Variants in TBC1D16 observed in about 807,000 individuals in gnomAD.
TBC1D16 encodes TBC1 domain family member 16, also known as CTD-2529O21.1.
A neutral mutation model predicts 74.7 loss-of-function variants in TBC1D16; 58 were observed. The ratio of observed to expected loss-of-function variants is 0.78; its 90% CI spans 0.63 to 0.97. The LOEUF (loss-of-function observed/expected upper bound fraction) is 0.97, where lower values mean the gene tolerates loss of function less well. TBC1D16 is among the 50% of genes least tolerant of loss of function. The pLI is 0.00. For missense variants in TBC1D16, 1,014 were observed against 1,079.5 expected, an observed-to-expected ratio of 0.94 and a Z score of 0.85; for synonymous variants, 493 against 474.7, an observed-to-expected ratio of 1.04 and a Z score of -0.50.
In TBC1D16 at chr17:79,941,968, A is replaced by C; in HGVS notation, c.2055+92T>G. On this transcript the variant is annotated intron_variant, in intron 11 of 11. Transcript: ENST00000310924. This position sits in a 1 kb window ranked among gnomAD's most constrained non-coding sequence, Gnocchi z 4.3. ...ATGGGGCTCTGGGGGCGGGGCCCACATCTGGGGCAGCCTCACCTTTCTGAG... is the reference window on the plus strand; with the variant it reads ...ATGGGGCTCTGGGGGCGGGGCCCACCTCTGGGGCAGCCTCACCTTTCTGAG... 1 of 1,254,256 alleles carries C rather than the reference A, an allele frequency of 8.0e-7. No individual in the cohort carries two copies. The highest frequency in any genetic ancestry group is 1.1e-6 in the Non-Finnish European group (1 of 933,188). 77.7% of individuals were successfully genotyped at this position (1,254,256 alleles called of 1,614,324 possible).
rs780596746 is a variant in TBC1D16, at chr17:79,980,169, C to A, written c.780-27351G>T. ...ACCACCCAGGCTGGTGGCTTCCCAA[C>A]TTTTCCGTGACGTTCCCCTAGGCAA... On this transcript the variant is annotated intron_variant, in intron 3 of 11. Coordinates refer to ENST00000310924, the MANE Select transcript of TBC1D16 (RefSeq NM_019020.4). The surrounding 1 kb of genome is among the most constrained non-coding windows in gnomAD (Gnocchi z 7.0). Among the ~76,000 whole-genome samples, 1 of 152,216 alleles carries A rather than the reference C, an allele frequency of 6.6e-6. No homozygotes were observed. The highest frequency in any genetic ancestry group is 1.5e-5 in the Non-Finnish European group (1 of 68,034).
At position 79,938,896 on chromosome 17, in the gene TBC1D16, G is replaced by A. The variant is rs1237474948; in HGVS notation, c.*1963C>T. On this transcript the variant is annotated 3_prime_UTR_variant, in exon 12 of 12. Transcript: ENST00000310924. The stretch of plus-strand genomic sequence containing the variant: ...TGCAAGAGACCACAGAGCAGGGCCA[G>A]GTCCGACCTCTGCACCATGAGCATC... 2.0e-5 allele frequency: 3 copies of A among 152,390 alleles called. No homozygotes were observed. Among genetic ancestry groups the A allele is most frequent in the Non-Finnish European group, 4.4e-5 (3 of 68,136 alleles). 9.4% of individuals were successfully genotyped at this position (152,390 alleles called of 1,614,324 possible).
In TBC1D16 at chr17:79,980,809, C is replaced by G. The variant is rs1026155326; in HGVS notation, c.780-27991G>C. Among the ~76,000 whole-genome samples the G allele has an allele frequency of 8.5e-5, 13 of 152,224 alleles. No homozygotes were observed. Among genetic ancestry groups the G allele is most frequent in the Non-Finnish European group, 1.5e-5 (1 of 68,034 alleles). On this transcript the variant is annotated intron_variant, in intron 3 of 11. Transcript: ENST00000310924. The surrounding 1 kb of genome is among the most constrained non-coding windows in gnomAD (Gnocchi z 7.0). ...AATCTTCTCGGACTCAGTGGCACAC[C>G]TGGGACTGCCCGAATCTGTGCCCTG...
In TBC1D16 at chr17:80,007,580, G is replaced by GGGA; in HGVS notation, c.779+2577_779+2579dup. 6.6e-6 allele frequency among the ~76,000 whole-genome samples: 1 copy of GGGA among 152,318 alleles called. No individual in the cohort carries two copies. On this transcript the variant is annotated intron_variant, in intron 3 of 11. Transcript: ENST00000310924. The surrounding 1 kb of genome is among the most constrained non-coding windows in gnomAD (Gnocchi z 4.5). ...TGTCAGAGCAGAGAAGGGGGCCATG[G>GGGA]GGAGGGCCCTCCTCAGCCCAGGGTT... is the stretch of plus-strand genomic sequence containing the variant.
chr17:79,991,648 G>A (rs1278380694), intron 3 of TBC1D16, among the ~76,000 whole-genome samples: 2 of 150,796 alleles, frequency 1.3e-5, no homozygotes, highest in East Asian at 4.0e-4. Context: ...CAAGAGGGAG[G>A]TCAGGTGGGG....
intron 3 of TBC1D16, among the ~76,000 whole-genome samples, chr17:79,964,015 G>A (rs144527737): frequency 0.039 from 5,858 of 152,108 alleles, 195 homozygotes; most frequent in African/African-American, 0.085. Flanking sequence ...TTGCTCTGTC[G>A]TCCAGGCTGG....
At chr17:80,011,774 C>T (rs950371263) in intron 2 of TBC1D16, among the ~76,000 whole-genome samples, 1 of 150,654 alleles carries the variant, frequency 6.6e-6, no homozygotes, top group Non-Finnish European at 1.5e-5. Context: ...TGCAGTGAGC[C>T]GAGATTGCAC....
At chr17:79,952,626 C>T in intron 4 of TBC1D16, 31 bp downstream of exon 4, 13 of 1,567,432 alleles carry the variant, frequency 8.3e-6, no homozygotes, top group Non-Finnish European at 1.1e-5. Flanking sequence ...CACAGGCCAA[C>T]TCCCAGGAGG....
Position 79,990,739 on chromosome 17 carries a change from C to T in TBC1D16, c.779+19421G>A, listed in dbSNP as rs969171316. On this transcript the variant is annotated intron_variant, in intron 3 of 11. Coordinates refer to ENST00000310924, the MANE Select transcript of TBC1D16 (RefSeq NM_019020.4). The surrounding 1 kb of genome is among the most constrained non-coding windows in gnomAD (Gnocchi z 4.8). Reference sequence around the variant, plus strand: ...AAACTGAAGCTTTGTCTCCATGAAACACCAGCTCCCCAACGTCCCCTCCCT... The same window carrying T: ...AAACTGAAGCTTTGTCTCCATGAAATACCAGCTCCCCAACGTCCCCTCCCT... Among the ~76,000 whole-genome samples the T allele has an allele frequency of 5.9e-5, 9 of 152,218 alleles. No individual in the cohort carries two copies. The highest frequency in any genetic ancestry group is 1.9e-4 in the African/African-American group (8 of 41,444).
rs988092599 is a variant in TBC1D16 at position 79,990,526 on chromosome 17, G to A, written c.779+19634C>T. Reference sequence around the variant, plus strand: ...CAAAAGGATGGGAAAACGTGCACCAGTCTCACAGTCCCAGTCACCTTAAAA... The same window carrying A: ...CAAAAGGATGGGAAAACGTGCACCAATCTCACAGTCCCAGTCACCTTAAAA... On this transcript the variant is annotated intron_variant, in intron 3 of 11. Coordinates refer to ENST00000310924, the MANE Select transcript of TBC1D16 (RefSeq NM_019020.4). The surrounding 1 kb of genome is among the most constrained non-coding windows in gnomAD (Gnocchi z 4.8). 6.6e-6 allele frequency among the ~76,000 whole-genome samples: 1 copy of A among 152,244 alleles called. No homozygotes were observed. The highest frequency in any genetic ancestry group is 2.4e-5 in the African/African-American group (1 of 41,462).
rs1039460995 is a variant in TBC1D16 at position 79,961,345 on chromosome 17, A to G, written c.780-8527T>C. On this transcript the variant is annotated intron_variant, in intron 3 of 11. Transcript: ENST00000310924. This position sits in a 1 kb window ranked among gnomAD's most constrained non-coding sequence, Gnocchi z 4.8. ...GGCTACAGTGGACAAGACTGATCAT[A>G]GCAAGTGTTGCTGAGGACATGGAGG... is the stretch of plus-strand genomic sequence containing the variant. Among the ~76,000 whole-genome samples, 2 of 152,244 alleles carry G rather than the reference A, an allele frequency of 1.3e-5. No individual in the cohort carries two copies. The highest frequency in any genetic ancestry group is 2.9e-5 in the Non-Finnish European group (2 of 68,042).
rs796385229 is a variant in TBC1D16 at position 79,987,701 on chromosome 17, C to A, written c.779+22459G>T. ...CACTCCCAGCCACAGCCTCCCTCTGCGGGCAGAACCCTGGGTGCTGCAGGG... is the reference window on the plus strand; with the variant it reads ...CACTCCCAGCCACAGCCTCCCTCTGAGGGCAGAACCCTGGGTGCTGCAGGG... On this transcript the variant is annotated intron_variant, in intron 3 of 11. Coordinates refer to ENST00000310924, the MANE Select transcript of TBC1D16 (RefSeq NM_019020.4). This position sits in a 1 kb window ranked among gnomAD's most constrained non-coding sequence, Gnocchi z 5.2. Among the ~76,000 whole-genome samples the A allele has an allele frequency of 6.6e-6, 1 of 152,136 alleles. No homozygotes were observed.
intron 1 of TBC1D16, among the ~76,000 whole-genome samples, chr17:80,034,719 A>G (rs930436803): frequency 1.3e-5 from 2 of 152,230 alleles, no homozygotes; most frequent in Non-Finnish European, 2.9e-5. Context: ...TTTTACTGTT[A>G]GCGTTTCTAA....
Position 79,941,875 on chromosome 17 carries a change from GA to G in TBC1D16, c.2055+184del, listed in dbSNP as rs2032031773. On this transcript the variant is annotated intron_variant, in intron 11 of 11. Transcript: ENST00000310924. The surrounding 1 kb of genome is among the most constrained non-coding windows in gnomAD (Gnocchi z 4.3). ...CCAGGCCGAGACAGGTGCTGACCAC[GA>G]GGCCTTAGTGGGGAGCCCCCAGTGC... is the stretch of plus-strand genomic sequence containing the variant. 1.3e-5 allele frequency among the ~76,000 whole-genome samples: 2 copies of G among 150,530 alleles called. No homozygotes were observed. The highest frequency in any genetic ancestry group is 5.0e-5 in the African/African-American group (2 of 39,990).
chr17:79,981,274 G>A lies in TBC1D16; in HGVS notation c.780-28456C>T, dbSNP rs779350421. Among the ~76,000 whole-genome samples, 2 of 152,144 alleles carry A rather than the reference G, an allele frequency of 1.3e-5. No individual in the cohort carries two copies. The highest frequency in any genetic ancestry group is 2.9e-5 in the Non-Finnish European group (2 of 68,032). On this transcript the variant is annotated intron_variant, in intron 3 of 11. Transcript: ENST00000310924. The surrounding 1 kb of genome is among the most constrained non-coding windows in gnomAD (Gnocchi z 6.9). ...CTTGGCCCGGCTCAGAGGATTTGAC[G>A]CAAACCAGGACTGGGGCCCTGGCCG...
chr17:79,952,817 G>T lies in TBC1D16; in HGVS notation c.781C>A (p.Pro261Thr). 2 of 1,606,356 alleles carry T rather than the reference G, an allele frequency of 1.2e-6. No individual in the cohort carries two copies. Among genetic ancestry groups the T allele is most frequent in the Non-Finnish European group, 1.7e-6 (2 of 1,175,902 alleles). ...GSVFLESDSS[P>T]PSSSDAGLRF... is the part of the protein sequence containing the mutation. The stretch of plus-strand genomic sequence containing the variant: ...AGGCCGGCGTCGGAGCTGGACGGGG[G>T]GCTGGTGGAACAGGTTATGTGATGA... Residue 261 changes from proline to threonine, a missense_variant and splice_region_variant, in exon 4 of 12, where the codon CCC (proline) becomes ACC (threonine). Coordinates refer to ENST00000310924, the MANE Select transcript of TBC1D16 (RefSeq NM_019020.4).
chr17:79,936,715 A>G lies in TBC1D16; in HGVS notation c.*4144T>C, dbSNP rs1176887590. On this transcript the variant is annotated 3_prime_UTR_variant, in exon 12 of 12. Coordinates refer to ENST00000310924, the MANE Select transcript of TBC1D16 (RefSeq NM_019020.4). The stretch of plus-strand genomic sequence containing the variant: ...TTCCCTCTGACTGGAGACAGGACAG[A>G]ATGCTTTCACACCCAGGAACGGCCG... 6.6e-6 allele frequency: 1 copy of G among 152,238 alleles called. No homozygotes were observed. The highest frequency in any genetic ancestry group is 1.5e-5 in the Non-Finnish European group (1 of 68,106). 9.4% of individuals were successfully genotyped at this position (152,238 alleles called of 1,614,324 possible). A position where few individuals can be genotyped will look rare whatever the true frequency, so the allele number is the denominator to read the frequency against.
At chr17:80,017,700 A>T (rs2036141584) in intron 1 of TBC1D16, among the ~76,000 whole-genome samples, 1 of 151,596 alleles carries the variant, frequency 6.6e-6, no homozygotes, top group African/African-American at 2.4e-5. Flanking sequence ...AAAAAAAAAA[A>T]AAAGTAAAAA....
intron 3 of TBC1D16, among the ~76,000 whole-genome samples, chr17:80,005,017 G>C (rs1271082303): frequency 1.3e-5 from 2 of 152,142 alleles, no homozygotes; most frequent in Non-Finnish European, 2.9e-5. Context: ...CTTAGGATGA[G>C]GTCCAGAGGA....
Sources: gnomAD v4.1 joint callset for allele counts (sites outside exome capture counted in the v4.1 genomes callset) on GRCh38, gnomAD v4.1.1 for gene constraint, Gnocchi (gnomAD v3.1) non-coding constraint, MANE v1.5 for transcripts, NCBI Gene and HGNC (gene_info 2026-07-23, HGNC 2026-07-21) for gene names.